DLGAP4: variants seen among roughly 807,000 people sequenced by gnomAD.
The protein encoded by DLGAP4 is disks large-associated protein 4.
In DLGAP4, 18 loss-of-function variants were observed where a neutral mutation model predicts 86.9. That is an observed-to-expected ratio of 0.21 (90% CI 0.14 to 0.31). DLGAP4 has a LOEUF of 0.31. Among genes scored for constraint, DLGAP4 ranks in the 10% least tolerant of loss-of-function variants. The pLI is 1.00. For synonymous variants in DLGAP4, 548 were observed against 574.3 expected (o/e 0.95, Z 0.65); for missense variants, 1,085 against 1,362.6 (o/e 0.80, Z 3.21).
At chr20:36,424,009 C>T (rs113925005) in intron 2 of DLGAP4, among the ~76,000 whole-genome samples, 2 of 151,968 alleles carry the variant, frequency 1.3e-5, no homozygotes, top group Non-Finnish European at 2.9e-5. Flanking sequence ...AAGAGGAAAC[C>T]GAGGCTCAGG....
intron 2 of DLGAP4, among the ~76,000 whole-genome samples, chr20:36,383,473 GTA>G (rs1731437616): frequency 6.6e-6 from 1 of 151,914 alleles, no homozygotes; most frequent in Admixed American, 6.6e-5. Context: ...CTGTAACACT[GTA>G]TCCAGTGACC....
At chr20:36,461,756 C>A in intron 7 of DLGAP4, 1 of 498,918 alleles carries the variant, frequency 2.0e-6, no homozygotes, top group Non-Finnish European at 2.5e-6. Context: ...CGTCCGCCCG[C>A]CCGCCCGCCC....
intron 2 of DLGAP4, among the ~76,000 whole-genome samples, chr20:36,423,568 C>G (rs78328765): frequency 9.5e-4 from 144 of 151,940 alleles, no homozygotes; most frequent in African/African-American, 3.3e-3. Context: ...TGGCCTGTCC[C>G]CAAGAAGCAC....
intron 2 of DLGAP4, among the ~76,000 whole-genome samples, chr20:36,418,486 A>G (rs1255094146): frequency 6.6e-6 from 1 of 152,132 alleles, no homozygotes; most frequent in East Asian, 1.9e-4. Flanking sequence ...AGAAGACTTC[A>G]GTTCTTAGGT....
chr20:36,450,965 C>G (rs1342419587), intron 7 of DLGAP4, among the ~76,000 whole-genome samples: 1 of 152,248 alleles, frequency 6.6e-6, no homozygotes, highest in African/African-American at 2.4e-5. Flanking sequence ...GTTCTGCTCT[C>G]TGAAAGCCCT....
At chr20:36,322,468 A>G (rs2065178448) in intron 1 of DLGAP4, among the ~76,000 whole-genome samples, 1 of 152,140 alleles carries the variant, frequency 6.6e-6, no homozygotes, top group Non-Finnish European at 1.5e-5. Flanking sequence ...TCAGCAAGTT[A>G]CCTAACTTCT....
chr20:36,346,106 A>G (rs2029928157), intron 1 of DLGAP4, among the ~76,000 whole-genome samples: 1 of 151,984 alleles, frequency 6.6e-6, no homozygotes, highest in Non-Finnish European at 1.5e-5. Flanking sequence ...CTGCCTTGTC[A>G]GAGGGCCTTG....
rs1040489599 is a variant in DLGAP4 at position 36,500,914 on chromosome 20, C to T, written c.2512+303C>T. On this transcript the variant is annotated intron_variant, in intron 10 of 12. Coordinates refer to ENST00000339266, the MANE Select transcript of DLGAP4 (RefSeq NM_001365621.2). This position sits in a 1 kb window ranked among gnomAD's most constrained non-coding sequence, Gnocchi z 4.6. ...TGAAGTAACCTTGGTCAGGTTACTC[C>T]GAGCCCCCATTTCCTCATCTGTAAA... is the stretch of plus-strand genomic sequence containing the variant. 8.5e-5 allele frequency among the ~76,000 whole-genome samples: 13 copies of T among 152,064 alleles called. No individual in the cohort carries two copies. The highest frequency in any genetic ancestry group is 1.9e-4 in the African/African-American group (8 of 41,376).
At chr20:36,382,354 T>C (rs1402362712) in intron 2 of DLGAP4, among the ~76,000 whole-genome samples, 4 of 146,642 alleles carry the variant, frequency 2.7e-5, no homozygotes, top group Non-Finnish European at 3.0e-5. Flanking sequence ...GTGTAGTGGC[T>C]GAGTAGTGCC....
chr20:36,412,240 C>T (rs558040547), intron 2 of DLGAP4, among the ~76,000 whole-genome samples: 4 of 152,328 alleles, frequency 2.6e-5, no homozygotes, highest in South Asian at 2.1e-4. Flanking sequence ...TGAAACAGGG[C>T]GAGGCAGGTG....
intron 2 of DLGAP4, among the ~76,000 whole-genome samples, chr20:36,410,369 G>A (rs1344178200): frequency 6.6e-6 from 1 of 152,206 alleles, no homozygotes; most frequent in African/African-American, 2.4e-5. Context: ...AGGAAGTGGA[G>A]AATACGGACC....
intron 1 of DLGAP4, among the ~76,000 whole-genome samples, chr20:36,312,153 C>G (rs1040057380): frequency 6.6e-6 from 1 of 152,194 alleles, no homozygotes; most frequent in East Asian, 1.9e-4. Context: ...ACTGTGGCCT[C>G]TCTCCCGGCT....
At chr20:36,354,092 G>A (rs1303407996) in intron 1 of DLGAP4, among the ~76,000 whole-genome samples, 7 of 152,308 alleles carry the variant, frequency 4.6e-5, no homozygotes, top group East Asian at 1.9e-4. Flanking sequence ...GTTCTGTGCC[G>A]GCCGGCCTCC....
chr20:36,441,003 G>A (rs60017680), intron 5 of DLGAP4, among the ~76,000 whole-genome samples: 32 of 152,086 alleles, frequency 2.1e-4, no homozygotes, highest in East Asian at 3.9e-4. Context: ...GTAGAGTGCC[G>A]CAGCCCAGGG....
Position 36,524,544 on chromosome 20 carries a change from T to C in DLGAP4, c.2604+203T>C, listed in dbSNP as rs1001520445. ...AAGTGGCCCTATCAGATCTCTAATA[T>C]CTTTCCATGTTGAAACAGCCACATG... On this transcript the variant is annotated intron_variant, in intron 11 of 12. Transcript: ENST00000339266. Among the ~76,000 whole-genome samples, 5 of 152,172 alleles carry C rather than the reference T, an allele frequency of 3.3e-5. No individual in the cohort carries two copies. The South Asian group carries it at 8.3e-4, about 25-fold the overall frequency.
At chr20:36,344,752 G>A (rs1004084460) in intron 1 of DLGAP4, among the ~76,000 whole-genome samples, 1 of 152,198 alleles carries the variant, frequency 6.6e-6, no homozygotes, top group East Asian at 1.9e-4. Context: ...TGGGCCTAGG[G>A]CCCTGGGTGT....
chr20:36,466,281 TCCTC>T (rs2034348381), intron 7 of DLGAP4, among the ~76,000 whole-genome samples: 2 of 152,288 alleles, frequency 1.3e-5, no homozygotes, highest in Middle Eastern at 3.4e-3. Context: ...ACCTCCGTTT[TCCTC>T]CCTATCAGAT....
Position 36,431,916 on chromosome 20 carries a change from C to T in DLGAP4, c.199C>T (p.Pro67Ser), listed in dbSNP as rs748636871. 6.3e-5 allele frequency: 101 copies of T among 1,614,080 alleles called. No homozygotes were observed. The Admixed American group carries it at 1.6e-3, about 26-fold the overall frequency. Residue 67 changes from proline (P) to serine (S), a missense_variant, in exon 3 of 13, where the codon CCC (proline) becomes TCC (serine). By Grantham distance (74) the Pro-to-Ser change is moderately conservative. This residue lies in a region of DLGAP4 where 1,082 missense variants were observed against 1,344.1 expected (regional missense o/e 0.81). Transcript: ENST00000339266. The surrounding 1 kb of genome is among the most constrained non-coding windows in gnomAD (Gnocchi z 5.1). ...TCCCCTCAACAACCAGCTGCCCCCG[C>T]CCAGCAGCACCTTTCCCCGCATCCA... is the stretch of plus-strand genomic sequence containing the variant. ...LFPLNNQLPP[P>S]SSTFPRIHYN... is the part of the protein sequence containing the mutation.
chr20:36,497,171 TTG>T, intron 8 of DLGAP4, 105 bp downstream of exon 8: 1 of 1,495,322 alleles, frequency 6.7e-7, no homozygotes, highest in Non-Finnish European at 8.9e-7. Flanking sequence ...AAAAGGTGGT[TTG>T]TCTCTCTATT....
Sources: allele counts gnomAD v4.1 joint callset (sites outside exome capture counted in the v4.1 genomes callset), GRCh38; gene constraint gnomAD v4.1.1; regional missense constraint gnomAD v4.1.1; non-coding constraint Gnocchi (gnomAD v3.1); transcripts MANE v1.5; gene names NCBI Gene and HGNC (gene_info 2026-07-23, HGNC 2026-07-21).